The following MSL2 variants were observed in gnomAD, a reference collection of about 807,000 sequenced individuals.
The protein encoded by MSL2 is E3 ubiquitin-protein ligase MSL2.
In MSL2, 2 loss-of-function variants were observed where a neutral mutation model predicts 35.8. The ratio of observed to expected loss-of-function variants is 0.06; its 90% CI spans 0.02 to 0.18. The LOEUF (loss-of-function observed/expected upper bound fraction) is 0.18. Ranked by LOEUF, MSL2 falls within the 10% of genes least tolerant of loss-of-function variation. The pLI, the probability that MSL2 is intolerant of heterozygous loss-of-function variation, is 1.00. For synonymous variants in MSL2, 296 were observed against 255.7 expected, an observed-to-expected ratio of 1.16 and a Z score of -1.50; for missense variants, 523 against 706.7, an observed-to-expected ratio of 0.74 and a Z score of 2.95.
At chr3:136,189,398 C>T (rs1253846421) in intron 1 of MSL2, among the ~76,000 whole-genome samples, 1 of 142,016 alleles carries the variant, frequency 7.0e-6, no homozygotes. Context: ...ACAGTTCTTC[C>T]TACCTGCATA....
rs1559969269 is a variant in MSL2 at position 136,180,800 on chromosome 3, G to GGAAGGAA, written c.142+14171_142+14172insTTCCTTC. Among the ~76,000 whole-genome samples the GGAAGGAA allele has an allele frequency of 7.3e-3, 364 of 49,540 alleles. 12 individuals carry two copies. Among genetic ancestry groups the GGAAGGAA allele is most frequent in the African/African-American group, 0.028 (296 of 10,658 alleles). The allele number at this position is 49,540 out of a possible 152,430, so 32.5% of individuals were successfully genotyped here. A position where few individuals can be genotyped will look rare whatever the true frequency, so the allele number is the denominator to read the frequency against. On this transcript the variant is annotated intron_variant, in intron 1 of 1. Transcript: ENST00000309993. ...AGGGAGGGAGGGAGGGAGGGAGGGA[G>GGAAGGAA]GGAGGGAGGGAAGGAGGGAAGGAAG...
Position 136,195,555 on chromosome 3 carries a change from C to T in MSL2, c.-442G>A. The T allele has an allele frequency of 1.0e-6, 1 of 999,962 alleles. No homozygotes were observed. The allele number at this position is 999,962 out of a possible 1,614,324, so 61.9% of individuals were successfully genotyped here. ...CCGGCCCCGTCTGAGGCGCGGCACGCTTCTCCCGGGCTGCAGGGCCTCTTA... is the reference window on the plus strand; with the variant it reads ...CCGGCCCCGTCTGAGGCGCGGCACGTTTCTCCCGGGCTGCAGGGCCTCTTA... On this transcript the variant is annotated 5_prime_UTR_variant, in exon 1 of 2. Coordinates refer to ENST00000309993, the MANE Select transcript of MSL2 (RefSeq NM_018133.4).
chr3:136,157,367 G>T (rs1288357015), intron 1 of MSL2, among the ~76,000 whole-genome samples: 1 of 152,076 alleles, frequency 6.6e-6, no homozygotes, highest in Non-Finnish European at 1.5e-5. Context: ...ATTATCCAAG[G>T]GTGGTGAACA....
intron 1 of MSL2, among the ~76,000 whole-genome samples, chr3:136,181,216 CTCA>C (rs1385402592): frequency 2.0e-5 from 3 of 151,916 alleles, no homozygotes; most frequent in South Asian, 2.1e-4. Flanking sequence ...CATTTTTATG[CTCA>C]TCATCTAGTA....
intron 1 of MSL2, among the ~76,000 whole-genome samples, chr3:136,184,980 C>G (rs998451151): frequency 3.3e-5 from 5 of 152,006 alleles, no homozygotes; most frequent in African/African-American, 1.2e-4. Context: ...TAACCACCAA[C>G]TCATTTTTTT....
intron 1 of MSL2, among the ~76,000 whole-genome samples, chr3:136,165,505 T>C (rs1208520409): frequency 6.6e-6 from 1 of 152,232 alleles, no homozygotes; most frequent in Non-Finnish European, 1.5e-5. Flanking sequence ...ATGCTAATTT[T>C]TGTAATTTCT....
intron 1 of MSL2, among the ~76,000 whole-genome samples, chr3:136,174,549 T>C (rs1384278663): frequency 1.3e-5 from 2 of 152,186 alleles, no homozygotes; most frequent in African/African-American, 4.8e-5. Context: ...CTGGCAATAA[T>C]GGATAGTGAC....
At chr3:136,182,428 G>A (rs6439629) in intron 1 of MSL2, among the ~76,000 whole-genome samples, 30,545 of 152,072 alleles carry the variant, frequency 0.2, 3,492 homozygotes, top group Non-Finnish European at 0.27. Flanking sequence ...ACGAACAGGC[G>A]GCACAGGACA....
intron 1 of MSL2, among the ~76,000 whole-genome samples, chr3:136,192,815 T>G (rs1207083835): frequency 6.6e-6 from 1 of 152,206 alleles, no homozygotes; most frequent in Non-Finnish European, 1.5e-5. Context: ...ATCCACGAAT[T>G]TGAATGCACT....
intron 1 of MSL2, among the ~76,000 whole-genome samples, chr3:136,189,845 A>G (rs991364095): frequency 4.6e-5 from 7 of 152,144 alleles, no homozygotes; most frequent in Admixed American, 3.9e-4. Context: ...ATTCAAAAAC[A>G]AACTCTACAC....
At chr3:136,160,283 A>C (rs1576358600) in intron 1 of MSL2, among the ~76,000 whole-genome samples, 1 of 133,982 alleles carries the variant, frequency 7.5e-6, no homozygotes, top group Non-Finnish European at 1.6e-5. Flanking sequence ...CTCAAAAAAA[A>C]AAAAAAAAAA....
At chr3:136,167,854 G>A (rs148081808) in intron 1 of MSL2, among the ~76,000 whole-genome samples, 3 of 152,188 alleles carry the variant, frequency 2.0e-5, no homozygotes, top group East Asian at 3.9e-4. Context: ...CTTTTCCAAC[G>A]TAATGAAAGA....
At chr3:136,169,253 T>C (rs1303476082) in intron 1 of MSL2, among the ~76,000 whole-genome samples, 2 of 15,122 alleles carry the variant, frequency 1.3e-4, no homozygotes, top group African/African-American at 2.2e-4. Flanking sequence ...GGGGGGGGGG[T>C]GCTTATTTTT....
At position 136,149,117 on chromosome 3, in the gene MSL2, A is replaced by G. The variant is rs1242260076; in HGVS notation, c.*2030T>C. ...TGTCTATATTGCCAACCTCCCATGC[A>G]TCAAAAAAAAAAAAAAACCCACAAG... On this transcript the variant is annotated 3_prime_UTR_variant, in exon 2 of 2. Coordinates refer to ENST00000309993, the MANE Select transcript of MSL2 (RefSeq NM_018133.4). The G allele has an allele frequency of 1.3e-5, 2 of 149,236 alleles. No individual in the cohort carries two copies. The highest frequency in any genetic ancestry group is 6.6e-5 in the Admixed American group (1 of 15,042). 9.2% of individuals were successfully genotyped at this position (149,236 alleles called of 1,614,324 possible). A position where few individuals can be genotyped will look rare whatever the true frequency, so the allele number is the denominator to read the frequency against.
At chr3:136,156,016 G>T in intron 1 of MSL2, 1 of 329,552 alleles carries the variant, frequency 3.0e-6, no homozygotes, top group Non-Finnish European at 6.1e-6. Flanking sequence ...TTTCCTTATA[G>T]TACCAACTAC....
At chr3:136,174,872 ATG>A (rs1278286543) in intron 1 of MSL2, among the ~76,000 whole-genome samples, 2 of 152,230 alleles carry the variant, frequency 1.3e-5, no homozygotes, top group African/African-American at 4.8e-5. Context: ...TAATGTATTC[ATG>A]TGTAATATAT....
rs1391124992 is a variant in MSL2, at chr3:136,196,068, C to G, written c.-955G>C. ...TCCCCGGCCGCGGAAGGCAAGCGCT[C>G]ACACCGCCAGGCCCCGCCGCCGCCC... On this transcript the variant is annotated 5_prime_UTR_variant, in exon 1 of 2. Coordinates refer to ENST00000309993, the MANE Select transcript of MSL2 (RefSeq NM_018133.4). 6.4e-6 allele frequency: 1 copy of G among 156,724 alleles called. No homozygotes were observed. The highest frequency in any genetic ancestry group is 1.4e-5 in the Non-Finnish European group (1 of 71,628). The allele number at this position is 156,724 out of a possible 1,614,324, so 9.7% of individuals were successfully genotyped here.
At chr3:136,185,547 G>A (rs1303811453) in intron 1 of MSL2, among the ~76,000 whole-genome samples, 1 of 142,648 alleles carries the variant, frequency 7.0e-6, no homozygotes, top group Non-Finnish European at 1.5e-5. Context: ...TGGAGGGGGG[G>A]GTGGGGGAAG....
intron 1 of MSL2, among the ~76,000 whole-genome samples, chr3:136,173,361 G>A (rs1221566829): frequency 1.3e-5 from 2 of 152,038 alleles, no homozygotes; most frequent in African/African-American, 4.8e-5. Context: ...CCAACCCACA[G>A]GTAATTCAAG....
Sources: allele counts gnomAD v4.1 joint callset (sites outside exome capture counted in the v4.1 genomes callset), GRCh38; gene constraint gnomAD v4.1.1; transcripts MANE v1.5; gene names NCBI Gene and HGNC (gene_info 2026-07-23, HGNC 2026-07-21).